CDHR1: variants seen among roughly 807,000 people sequenced by gnomAD.
CDHR1 encodes the protein cadherin related family member 1.
A neutral mutation model predicts 72.1 loss-of-function variants in CDHR1; 61 were observed. The observed-to-expected ratio is 0.85, with a 90% CI of 0.69 to 1.05. CDHR1 has a LOEUF of 1.05. Among genes scored for constraint, CDHR1 ranks in the 50% least tolerant of loss-of-function variants. The pLI, the probability that CDHR1 is intolerant of heterozygous loss-of-function variation, is 0.00. For synonymous variants in CDHR1, 470 were observed against 448.1 expected, an observed-to-expected ratio of 1.05 and a Z score of -0.62; for missense variants, 1,186 against 1,115.7, an observed-to-expected ratio of 1.06 and a Z score of -0.90.
At chr10:84,200,935 T>G (rs1426939262) in intron 6 of CDHR1, among the ~76,000 whole-genome samples, 1 of 152,050 alleles carries the variant, frequency 6.6e-6, no homozygotes, top group African/African-American at 2.4e-5. Flanking sequence ...CCCTCAGCCC[T>G]CCACATCCCC....
chr10:84,194,953 C>T, intron 1 of CDHR1, 138 bp downstream of exon 1: 1 of 867,954 alleles, frequency 1.2e-6, no homozygotes, highest in Non-Finnish European at 1.9e-6. Context: ...GCGGAGAAGT[C>T]CTTCCATCTT....
chr10:84,216,768 C>A lies in CDHR1; in HGVS notation c.*2147C>A. 1.0e-6 allele frequency: 1 copy of A among 985,480 alleles called. No homozygotes were observed. Among genetic ancestry groups the A allele is most frequent in the Non-Finnish European group, 1.2e-6 (1 of 829,948 alleles). The allele number at this position is 985,480 out of a possible 1,614,324, so 61.0% of individuals were successfully genotyped here. A position where few individuals can be genotyped will look rare whatever the true frequency, so the allele number is the denominator to read the frequency against. ...GGACTTTTCTCCCAAACAGGACAAG[C>A]CCAGGCAGGGCTGCATGGAGAGGAA... On this transcript the variant is annotated 3_prime_UTR_variant, in exon 17 of 17. Transcript: ENST00000623527.
intron 3 of CDHR1, among the ~76,000 whole-genome samples, 175 bp downstream of exon 3, chr10:84,196,825 G>T (rs1309109169): frequency 1.3e-5 from 2 of 152,234 alleles, no homozygotes; most frequent in Non-Finnish European, 2.9e-5. Flanking sequence ...TCAGCAGAGT[G>T]GGCTTTACTT....
chr10:84,213,468 C>T (rs979958288), intron 16 of CDHR1, 120 bp downstream of exon 16: 2 of 1,326,908 alleles, frequency 1.5e-6, no homozygotes, highest in Non-Finnish European at 2.1e-6. Flanking sequence ...TCAACGTTAT[C>T]AAAGGCAGCC....
At chr10:84,213,923 T>C (rs931585866) in intron 16 of CDHR1, among the ~76,000 whole-genome samples, 159 bp from the exon 17 acceptor site, 1 of 152,182 alleles carries the variant, frequency 6.6e-6, no homozygotes, top group African/African-American at 2.4e-5. Context: ...TCTGTGTGCA[T>C]TTTCCTGGAC....
chr10:84,208,058 G>C, intron 10 of CDHR1, 116 bp from the exon 11 acceptor site: 1 of 893,634 alleles, frequency 1.1e-6, no homozygotes, highest in Non-Finnish European at 1.9e-6. Context: ...GAACCAAGTT[G>C]CTAAGCCAGG....
chr10:84,208,701 C>T, intron 11 of CDHR1, 28 bp from the exon 12 acceptor site: 1 of 1,609,210 alleles, frequency 6.2e-7, no homozygotes, highest in Non-Finnish European at 8.5e-7. Context: ...CATTCATCTT[C>T]CTTGTTTCCA....
chr10:84,199,747 C>T (rs1842089595), intron 5 of CDHR1, among the ~76,000 whole-genome samples: 1 of 152,198 alleles, frequency 6.6e-6, no homozygotes, highest in Non-Finnish European at 1.5e-5. Context: ...GAAATTACTG[C>T]ATCAAAAGCA....
chr10:84,211,598 A>T, intron 13 of CDHR1, 50 bp from the exon 14 acceptor site: 1 of 1,527,568 alleles, frequency 6.5e-7, no homozygotes, highest in Non-Finnish European at 9.1e-7. Context: ...GGAGCTGCCA[A>T]CATACCCTGA....
At position 84,218,479 on chromosome 10, in the gene CDHR1, A is replaced by G. The variant is rs962338218; in HGVS notation, c.*3858A>G. The stretch of plus-strand genomic sequence containing the variant: ...TATCTTCTGTGCCAGGCTCTCTTCT[A>G]GGTGTTAGGTGTATGTCTCTAACAA... On this transcript the variant is annotated 3_prime_UTR_variant, in exon 17 of 17. Coordinates refer to ENST00000623527, the MANE Select transcript of CDHR1 (RefSeq NM_033100.4). 4.1e-6 allele frequency: 4 copies of G among 985,314 alleles called. No homozygotes were observed. In the African/African-American group the frequency reaches 7.0e-5, roughly 17 times the overall value. 61.0% of individuals were successfully genotyped at this position (985,314 alleles called of 1,614,324 possible). A position where few individuals can be genotyped will look rare whatever the true frequency, so the allele number is the denominator to read the frequency against.
intron 10 of CDHR1, among the ~76,000 whole-genome samples, 153 bp from the exon 11 acceptor site, chr10:84,208,021 G>A (rs1474766625): frequency 6.6e-6 from 1 of 152,194 alleles, no homozygotes; most frequent in African/African-American, 2.4e-5. Context: ...GTGATAGCTT[G>A]CCATCTTTGC....
At chr10:84,206,186 G>T (rs969340477) in intron 10 of CDHR1, among the ~76,000 whole-genome samples, 2 of 152,162 alleles carry the variant, frequency 1.3e-5, no homozygotes, top group Non-Finnish European at 2.9e-5. Context: ...CATTGGGTGG[G>T]TGGGGGTGGA....
chr10:84,205,910 TATGAGCTGC>T lies in CDHR1; in HGVS notation c.950_958del (p.Glu317_His319del). The T allele has an allele frequency of 6.2e-7, 1 of 1,613,692 alleles. No homozygotes were observed. On this transcript the variant is annotated inframe_deletion, in exon 10 of 17. Transcript: ENST00000623527. ...CCCGGCCCAGCTCCAGAGAGAGGTGTATGAGCTGCATGTACAGGTACCCTCCCTCTAGCT... is the reference window on the plus strand; with the variant it reads ...CCCGGCCCAGCTCCAGAGAGAGGTGTATGTACAGGTACCCTCCCTCTAGCT...
downstream of CDHR1, chr10:84,219,502 C>T (rs1032355661): frequency 1.8e-6 from 1 of 569,746 alleles, no homozygotes; most frequent in Non-Finnish European, 2.8e-6. Context: ...CCACTCTCAC[C>T]TTCATGGTAG....
At chr10:84,197,696 G>A (rs994716431) in intron 3 of CDHR1, 90 bp from the exon 4 acceptor site, 80 of 1,187,488 alleles carry the variant, frequency 6.7e-5, no homozygotes, top group Non-Finnish European at 1.0e-4. Context: ...CCTCTGATGG[G>A]TGCGTGGGGC....
At chr10:84,195,427 G>T (rs1442775204) in intron 1 of CDHR1, 67 bp from the exon 2 acceptor site, 2 of 1,437,996 alleles carry the variant, frequency 1.4e-6, no homozygotes, top group Non-Finnish European at 1.9e-6. Flanking sequence ...GCGCTGGTGC[G>T]AAGCTCCCTC....
Position 84,213,271 on chromosome 10 carries a change from G to A in CDHR1, c.1963G>A (p.Glu655Lys). 1 of 1,614,256 alleles carries A rather than the reference G, an allele frequency of 6.2e-7. No homozygotes were observed. The highest frequency in any genetic ancestry group is 1.1e-5 in the South Asian group (1 of 91,086). Residue 655 changes from glutamate to lysine, a missense_variant, in exon 16 of 17, where the codon GAG becomes AAG. Transcript: ENST00000623527. ...TGGAAGGGACTGCCTATGGTCCCTA[G>A]AGGTGCAGGCCAAGGACCGGGGCTC... ...TPGRDCLWSL[E>K]VQAKDRGSPS...
At chr10:84,212,130 C>A in intron 14 of CDHR1, 49 bp from the exon 15 acceptor site, 1 of 1,472,002 alleles carries the variant, frequency 6.8e-7, no homozygotes, top group Non-Finnish European at 9.5e-7. Context: ...TATGTATGCA[C>A]ATATGTGTAT....
At chr10:84,200,838 G>C (rs1842111852) in intron 6 of CDHR1, 151 bp downstream of exon 6, 1 of 670,990 alleles carries the variant, frequency 1.5e-6, no homozygotes. Flanking sequence ...GGGGATGTGA[G>C]AGGGACAGAA....
Sources: gnomAD v4.1 joint callset for allele counts (sites outside exome capture counted in the v4.1 genomes callset) on GRCh38, gnomAD v4.1.1 for gene constraint, MANE v1.5 for transcripts, NCBI Gene and HGNC (gene_info 2026-07-23, HGNC 2026-07-21) for gene names.